The following OR10Z1 variants were observed in gnomAD, a reference collection of about 807,000 sequenced individuals.
OR10Z1 encodes olfactory receptor family 10 subfamily Z member 1.
For synonymous variants in OR10Z1, 187 were observed against 151.2 expected (o/e 1.24, Z -1.74); for missense variants, 468 against 371.0 (o/e 1.26, Z -2.15).
At position 158,606,357 on chromosome 1, in the gene OR10Z1, A is replaced by G; in HGVS notation, c.-82A>G. The G allele has an allele frequency of 2.4e-6, 2 of 839,754 alleles. No individual in the cohort carries two copies. Among genetic ancestry groups the G allele is most frequent in the Non-Finnish European group, 3.8e-6 (2 of 520,682 alleles). The allele number at this position is 839,754 out of a possible 1,614,324, so 52.0% of individuals were successfully genotyped here. A position where few individuals can be genotyped will look rare whatever the true frequency, so the allele number is the denominator to read the frequency against. ...CAGGAACAAGAGAAAAAGAATCCATATCATCCACCTTTTAAAGAAGTTAGG... is the reference window on the plus strand; with the variant it reads ...CAGGAACAAGAGAAAAAGAATCCATGTCATCCACCTTTTAAAGAAGTTAGG... On this transcript the variant is annotated 5_prime_UTR_variant, in exon 2 of 2. In the 5' UTR this introduces an upstream ATG that the reference lacks. Coordinates refer to ENST00000641002, the MANE Select transcript of OR10Z1 (RefSeq NM_001004478.2).
rs545262283 is a variant in OR10Z1, at chr1:158,608,983, C to T, written c.*1603C>T. 1 of 152,216 alleles carries T rather than the reference C, an allele frequency of 6.6e-6. No individual in the cohort carries two copies. The highest frequency in any genetic ancestry group is 1.5e-5 in the Non-Finnish European group (1 of 68,086). The allele number at this position is 152,216 out of a possible 1,614,324, so 9.4% of individuals were successfully genotyped here. A position where few individuals can be genotyped will look rare whatever the true frequency, so the allele number is the denominator to read the frequency against. On this transcript the variant is annotated 3_prime_UTR_variant, in exon 2 of 2. Coordinates refer to ENST00000641002, the MANE Select transcript of OR10Z1 (RefSeq NM_001004478.2). The stretch of plus-strand genomic sequence containing the variant: ...CAGCAGCAAAGGGGATGATAGATTT[C>T]AGTAGAGAGAAACCAGAGGCAAGGA...
Position 158,606,609 on chromosome 1 carries a change from C to T in OR10Z1, c.171C>T (p.Thr57=), listed in dbSNP as rs756294780. 5.0e-6 allele frequency: 8 copies of T among 1,614,042 alleles called. No homozygotes were observed. The highest frequency in any genetic ancestry group is 6.8e-6 in the Non-Finnish European group (8 of 1,179,944). Residue 57 remains threonine (T), a synonymous_variant, in exon 2 of 2, where the codon ACC becomes ACT. Transcript: ENST00000641002. ...IAIRLDSHLH[T]PMYLFLSFLS... The stretch of plus-strand genomic sequence containing the variant: ...TCAGGCTGGATAGCCATCTGCACAC[C>T]CCCATGTACCTCTTCCTTTCCTTCC...
rs750208097 is a variant in OR10Z1 at position 158,606,534 on chromosome 1, C to T, written c.96C>T (p.Leu32=). ...ELQLLLFALF[L]SLYLVTLTSN... Reference sequence around the variant, plus strand: ...AGCTCCTTCTCTTTGCCTTGTTCCTCTCTCTGTATCTAGTCACTCTGACCA... The same window carrying T: ...AGCTCCTTCTCTTTGCCTTGTTCCTTTCTCTGTATCTAGTCACTCTGACCA... The change falls in exon 2 of 2, where the codon CTC becomes CTT. Residue 32 remains leucine (L), a synonymous_variant. Coordinates refer to ENST00000641002, the MANE Select transcript of OR10Z1 (RefSeq NM_001004478.2). The T allele has an allele frequency of 1.2e-6, 2 of 1,613,904 alleles. No individual in the cohort carries two copies. Among genetic ancestry groups the T allele is most frequent in the Non-Finnish European group, 1.7e-6 (2 of 1,179,852 alleles).
chr1:158,607,137 G>A lies in OR10Z1; in HGVS notation c.699G>A (p.Gly233=), dbSNP rs139696782. 16 of 1,613,858 alleles carry A rather than the reference G, an allele frequency of 9.9e-6. No individual in the cohort carries two copies. Among genetic ancestry groups the A allele is most frequent in the African/African-American group, 1.3e-5 (1 of 74,896 alleles). ...TACTGAGGATCCCCTCTGCTGAGGG[G>A]CAGAAGAAGGCCTTCTCCACTTGTG... ...AAILRIPSAE[G]QKKAFSTCAS... is the part of the protein sequence containing the mutation. Residue 233 remains glycine (G), a synonymous_variant, in exon 2 of 2, where the codon GGG becomes GGA. Transcript: ENST00000641002.
rs1357794357 is a variant in OR10Z1 at position 158,607,712 on chromosome 1, G to A, written c.*332G>A. ...ATTTTTTAATTGAGCTGAACAAAAT[G>A]AGGGAAGTTTGGAGTGTTCAAGTTC... is the stretch of plus-strand genomic sequence containing the variant. On this transcript the variant is annotated 3_prime_UTR_variant, in exon 2 of 2. Coordinates refer to ENST00000641002, the MANE Select transcript of OR10Z1 (RefSeq NM_001004478.2). 1 of 215,518 alleles carries A rather than the reference G, an allele frequency of 4.6e-6. No homozygotes were observed. Among genetic ancestry groups the A allele is most frequent in the Non-Finnish European group, 9.2e-6 (1 of 108,410 alleles). 13.4% of individuals were successfully genotyped at this position (215,518 alleles called of 1,614,324 possible).
In OR10Z1 at chr1:158,611,871, T is replaced by G. The variant is rs1190057791; in HGVS notation, c.*4491T>G. ...CAAAGAGTTCCTCTATTCACTGTGC[T>G]GTTTGATTACCAAGTGGATCCCTAA... On this transcript the variant is annotated 3_prime_UTR_variant, in exon 2 of 2. Transcript: ENST00000641002. 1 of 163,690 alleles carries G rather than the reference T, an allele frequency of 6.1e-6. No homozygotes were observed. Among genetic ancestry groups the G allele is most frequent in the African/African-American group, 2.4e-5 (1 of 41,522 alleles). 10.1% of individuals were successfully genotyped at this position (163,690 alleles called of 1,614,324 possible). A position where few individuals can be genotyped will look rare whatever the true frequency, so the allele number is the denominator to read the frequency against.
rs1487716224 is a variant in OR10Z1 at position 158,610,143 on chromosome 1, A to G, written c.*2763A>G. 6.6e-6 allele frequency: 1 copy of G among 152,142 alleles called. No homozygotes were observed. The highest frequency in any genetic ancestry group is 1.5e-5 in the Non-Finnish European group (1 of 68,022). 9.4% of individuals were successfully genotyped at this position (152,142 alleles called of 1,614,324 possible). A position where few individuals can be genotyped will look rare whatever the true frequency, so the allele number is the denominator to read the frequency against. On this transcript the variant is annotated 3_prime_UTR_variant, in exon 2 of 2. Coordinates refer to ENST00000641002, the MANE Select transcript of OR10Z1 (RefSeq NM_001004478.2). Reference sequence around the variant, plus strand: ...CAATGATAACTTTTTAGCTTTAACCAACTTTTTGTTTAAAAAAGGCTCCTA... The same window carrying G: ...CAATGATAACTTTTTAGCTTTAACCGACTTTTTGTTTAAAAAAGGCTCCTA...
Position 158,611,464 on chromosome 1 carries a change from C to A in OR10Z1, c.*4084C>A, listed in dbSNP as rs73016276. Reference sequence around the variant, plus strand: ...TGGTTCCTTGGGGCTTCCCATATTACGCCATAAATGCAGGAGATGGAGAGT... The same window carrying A: ...TGGTTCCTTGGGGCTTCCCATATTAAGCCATAAATGCAGGAGATGGAGAGT... On this transcript the variant is annotated 3_prime_UTR_variant, in exon 2 of 2. Transcript: ENST00000641002. The A allele has an allele frequency of 2.5e-6, 4 of 1,569,694 alleles. No individual in the cohort carries two copies. The African/African-American group carries it at 4.1e-5, about 16-fold the overall frequency.
chr1:158,606,892 G>A lies in OR10Z1; in HGVS notation c.454G>A (p.Gly152Arg). ...GCTGGTCATTACTTCCTTCCTGACT[G>A]GATACCTCTTTGGACTGGGAATGAC... ...AQLVITSFLTGYLFGLGMTLV... is the reference protein window; with the variant it reads ...AQLVITSFLTRYLFGLGMTLV... Residue 152 changes from glycine (G) to arginine (R), a missense_variant, in exon 2 of 2, where the codon GGA becomes AGA. Coordinates refer to ENST00000641002, the MANE Select transcript of OR10Z1 (RefSeq NM_001004478.2). 6.2e-7 allele frequency: 1 copy of A among 1,613,950 alleles called. No individual in the cohort carries two copies.
Position 158,606,638 on chromosome 1 carries a change from C to A in OR10Z1, c.200C>A (p.Ser67Tyr). The part of the protein sequence containing the change: ...TPMYLFLSFL[S>Y]FSETCYTLGI... ...ATGTACCTCTTCCTTTCCTTCCTAT[C>A]CTTCTCTGAGACCTGCTACACTTTG... is the stretch of plus-strand genomic sequence containing the variant. The change falls in exon 2 of 2, where the codon TCC (serine) becomes TAC (tyrosine). Residue 67 changes from serine to tyrosine, a missense_variant. Transcript: ENST00000641002. 2.5e-6 allele frequency: 4 copies of A among 1,614,070 alleles called. No homozygotes were observed. The highest frequency in any genetic ancestry group is 3.4e-6 in the Non-Finnish European group (4 of 1,179,962).
Position 158,611,292 on chromosome 1 carries a change from C to A in OR10Z1, c.*3912C>A. ...GTTGCCAAAGTAGGAATTGGTGAAG[C>A]CAACGTAGTCATAGCCAGAGAGATG... On this transcript the variant is annotated 3_prime_UTR_variant, in exon 2 of 2. Coordinates refer to ENST00000641002, the MANE Select transcript of OR10Z1 (RefSeq NM_001004478.2). The A allele has an allele frequency of 6.2e-7, 1 of 1,613,788 alleles. No individual in the cohort carries two copies.
chr1:158,611,592 A>T lies in OR10Z1; in HGVS notation c.*4212A>T. On this transcript the variant is annotated 3_prime_UTR_variant, in exon 2 of 2. Coordinates refer to ENST00000641002, the MANE Select transcript of OR10Z1 (RefSeq NM_001004478.2). ...ACTTTTAATCTCAGCCCTTTCTTGAAAAAGAGAGCTTACTCACTTTGATTA... is the reference window on the plus strand; with the variant it reads ...ACTTTTAATCTCAGCCCTTTCTTGATAAAGAGAGCTTACTCACTTTGATTA... The T allele has an allele frequency of 1.9e-6, 1 of 526,164 alleles. No individual in the cohort carries two copies. 32.6% of individuals were successfully genotyped at this position (526,164 alleles called of 1,614,324 possible).
chr1:158,607,406 T>C lies in OR10Z1; in HGVS notation c.*26T>C. 1 of 1,572,542 alleles carries C rather than the reference T, an allele frequency of 6.4e-7. No individual in the cohort carries two copies. The highest frequency in any genetic ancestry group is 1.1e-5 in the South Asian group (1 of 87,924). On this transcript the variant is annotated 3_prime_UTR_variant, in exon 2 of 2. Coordinates refer to ENST00000641002, the MANE Select transcript of OR10Z1 (RefSeq NM_001004478.2). The stretch of plus-strand genomic sequence containing the variant: ...AGGTTACCCCAATAGGACACTTTCT[T>C]CTGTGTAGGCTGGGCATAGACCAAG...
intron 1 of OR10Z1, 105 bp from the exon 2 acceptor site, chr1:158,606,221 T>C: frequency 1.8e-6 from 1 of 564,962 alleles, no homozygotes; most frequent in Non-Finnish European, 3.1e-6. Context: ...TGTATGTGTA[T>C]ATGTACATAC....
rs1649240222 is a variant in OR10Z1 at position 158,611,251 on chromosome 1, G to A, written c.*3871G>A. The A allele has an allele frequency of 4.3e-6, 7 of 1,612,778 alleles. No individual in the cohort carries two copies. The South Asian group carries it at 4.4e-5, about 10-fold the overall frequency. Reference sequence around the variant, plus strand: ...GACACTAAGATTTTCTACGATCCACGAGGAGCTGCTTATTAGTTGCCAAAG... The same window carrying A: ...GACACTAAGATTTTCTACGATCCACAAGGAGCTGCTTATTAGTTGCCAAAG... On this transcript the variant is annotated 3_prime_UTR_variant, in exon 2 of 2. Transcript: ENST00000641002.
In OR10Z1 at chr1:158,610,607, A is replaced by T. The variant is rs1649191646; in HGVS notation, c.*3227A>T. On this transcript the variant is annotated 3_prime_UTR_variant, in exon 2 of 2. Coordinates refer to ENST00000641002, the MANE Select transcript of OR10Z1 (RefSeq NM_001004478.2). ...ATTTTGTCTTTCTGAGAGTAATAAC[A>T]TCTACAATAATTTTGAAGTATGGAA... is the stretch of plus-strand genomic sequence containing the variant. 6.6e-6 allele frequency: 1 copy of T among 152,138 alleles called. No individual in the cohort carries two copies. The highest frequency in any genetic ancestry group is 1.5e-5 in the Non-Finnish European group (1 of 68,036). The allele number at this position is 152,138 out of a possible 1,614,324, so 9.4% of individuals were successfully genotyped here.
In OR10Z1 at chr1:158,609,140, G is replaced by A. The variant is rs1649138448; in HGVS notation, c.*1760G>A. The A allele has an allele frequency of 6.6e-6, 1 of 152,216 alleles. No individual in the cohort carries two copies. Among genetic ancestry groups the A allele is most frequent in the Non-Finnish European group, 1.5e-5 (1 of 68,044 alleles). The allele number at this position is 152,216 out of a possible 1,614,324, so 9.4% of individuals were successfully genotyped here. On this transcript the variant is annotated 3_prime_UTR_variant, in exon 2 of 2. Transcript: ENST00000641002. ...AAGGTAGAATTCACAGGATTTGGCAGTGAGATAGAAGTGGGGCATGGCTTG... is the reference window on the plus strand; with the variant it reads ...AAGGTAGAATTCACAGGATTTGGCAATGAGATAGAAGTGGGGCATGGCTTG...
chr1:158,607,205 C>G lies in OR10Z1; in HGVS notation c.767C>G (p.Ser256Cys). ...TVVIIHYGCA[S>C]FVYLRPKASY... is the part of the protein sequence containing the mutation. ...GTCATTATTCATTATGGCTGTGCTT[C>G]CTTCGTGTACCTGAGGCCCAAAGCC... Residue 256 changes from serine to cysteine, a missense_variant, in exon 2 of 2, where the codon TCC becomes TGC. Transcript: ENST00000641002. 6.2e-7 allele frequency: 1 copy of G among 1,614,110 alleles called. No individual in the cohort carries two copies. Among genetic ancestry groups the G allele is most frequent in the Non-Finnish European group, 8.5e-7 (1 of 1,179,978 alleles).
At position 158,607,240 on chromosome 1, in the gene OR10Z1, C is replaced by CG. The variant is rs1557913266; in HGVS notation, c.802_803insG (p.Leu268ArgfsTer2). 3.9e-5 allele frequency: 63 copies of CG among 1,613,978 alleles called. 1 individual carries two copies. The Admixed American group carries it at 1.0e-3, about 26-fold the overall frequency. Reference sequence around the variant, plus strand: ...CCTGAGGCCCAAAGCCAGCTACTCTCTTGAGAGAGATCAGCTTATTGCCAT... The same window carrying CG: ...CCTGAGGCCCAAAGCCAGCTACTCTCGTTGAGAGAGATCAGCTTATTGCCAT... On this transcript the variant is annotated frameshift_variant, in exon 2 of 2. Coordinates refer to ENST00000641002, the MANE Select transcript of OR10Z1 (RefSeq NM_001004478.2). LOFTEE classifies it low-confidence loss of function (END_TRUNC).
Sources: gnomAD v4.1 joint callset for allele counts on GRCh38, gnomAD v4.1.1 for gene constraint, MANE v1.5 for transcripts, NCBI Gene and HGNC (gene_info 2026-07-23, HGNC 2026-07-21) for gene names.